PRKN: variants seen among roughly 807,000 people sequenced by gnomAD.
The protein encoded by PRKN is parkin RBR E3 ubiquitin protein ligase.
Under a neutral mutation model 59.5 loss-of-function variants are expected in PRKN, and 56 were observed. The observed-to-expected ratio is 0.94, with a 90% CI of 0.76 to 1.18. PRKN has a LOEUF of 1.18. PRKN is among the 50% of genes most tolerant of loss of function. PRKN has a pLI of 0.00. For missense variants in PRKN, 657 were observed against 596.4 expected (o/e 1.10, Z -1.06); for synonymous variants, 250 against 222.1 (o/e 1.13, Z -1.12).
chr6:162,177,451 T>C (rs556552360), intron 4 of PRKN, among the ~76,000 whole-genome samples: 2 of 152,302 alleles, frequency 1.3e-5, no homozygotes, highest in East Asian at 1.9e-4. Flanking sequence ...TGAGAGTGCA[T>C]TGCATTATTT....
intron 2 of PRKN, among the ~76,000 whole-genome samples, chr6:162,438,749 G>C (rs1417998121): frequency 6.6e-6 from 1 of 152,150 alleles, no homozygotes; most frequent in Admixed American, 6.5e-5. Flanking sequence ...GTTGAATTAC[G>C]TTGTGTGTTG....
In PRKN at chr6:161,529,742, T is replaced by C. The variant is rs1779137710; in HGVS notation, c.1083+19112A>G. On this transcript the variant is annotated intron_variant, in intron 9 of 11. Coordinates refer to ENST00000366898, the MANE Select transcript of PRKN (RefSeq NM_004562.3). This position sits in a 1 kb window ranked among gnomAD's most constrained non-coding sequence, Gnocchi z 4.4. The stretch of plus-strand genomic sequence containing the variant: ...GAAATCAAAAAAGATTTATAAACAT[T>C]ATTGGTACAACTGATTTTTGTCTCT... Among the ~76,000 whole-genome samples, 1 of 152,200 alleles carries C rather than the reference T, an allele frequency of 6.6e-6. No individual in the cohort carries two copies. Among genetic ancestry groups the C allele is most frequent in the Non-Finnish European group, 1.5e-5 (1 of 68,034 alleles).
rs182000036 is a variant in PRKN at position 161,445,649 on chromosome 6, G to A, written c.1084-58772C>T. On this transcript the variant is annotated intron_variant, in intron 9 of 11. Transcript: ENST00000366898. This position sits in a 1 kb window ranked among gnomAD's most constrained non-coding sequence, Gnocchi z 7.7. Reference sequence around the variant, plus strand: ...CAGCTGAATGGGATCGGTGCAGCATGATAGAGGCCAGCTGCCCCGCACCAG... The same window carrying A: ...CAGCTGAATGGGATCGGTGCAGCATAATAGAGGCCAGCTGCCCCGCACCAG... Among the ~76,000 whole-genome samples the A allele has an allele frequency of 3.4e-3, 523 of 152,316 alleles. 4 individuals carry two copies. The highest frequency in any genetic ancestry group is 0.012 in the African/African-American group (488 of 41,574).
rs74628189 is a variant in PRKN, at chr6:162,240,824, C to T, written c.412+21701G>A. 1.6e-3 allele frequency among the ~76,000 whole-genome samples: 242 copies of T among 152,280 alleles called. 6 individuals carry two copies. The highest frequency in any genetic ancestry group is 5.5e-3 in the African/African-American group (228 of 41,572). On this transcript the variant is annotated intron_variant, in intron 3 of 11. Transcript: ENST00000366898. ...TAGAGTTACCTACCAAAGTACCATT[C>T]AGTTCAACACATTTGGAGGCCTCTT... is the stretch of plus-strand genomic sequence containing the variant.
chr6:162,406,984 G>A (rs1035974619), intron 2 of PRKN, among the ~76,000 whole-genome samples: 5 of 152,004 alleles, frequency 3.3e-5, no homozygotes, highest in African/African-American at 1.2e-4. Flanking sequence ...CAAAATTGTA[G>A]ATTTTCCAGG....
rs191589451 is a variant in PRKN at position 161,397,104 on chromosome 6, C to T, written c.1084-10227G>A. ...GTTTCTTACTCATACCTCTATTAAA[C>T]TGTTTCACCCTCTATATGAAACTGT... On this transcript the variant is annotated intron_variant, in intron 9 of 11. Transcript: ENST00000366898. The surrounding 1 kb of genome is among the most constrained non-coding windows in gnomAD (Gnocchi z 4.2). Among the ~76,000 whole-genome samples the T allele has an allele frequency of 3.9e-4, 60 of 152,300 alleles. No individual in the cohort carries two copies. Among genetic ancestry groups the T allele is most frequent in the African/African-American group, 1.4e-3 (59 of 41,556 alleles).
chr6:162,168,556 C>CAAAAAAAAAA (rs771060815), intron 4 of PRKN, among the ~76,000 whole-genome samples: 1 of 47,316 alleles, frequency 2.1e-5, no homozygotes, highest in African/African-American at 7.7e-5. Flanking sequence ...ATCTGTTTTA[C>CAAAAAAAAAA]AAAAAAAAAA....
intron 4 of PRKN, among the ~76,000 whole-genome samples, chr6:162,130,337 A>T (rs1272247113): frequency 3.3e-5 from 5 of 152,172 alleles, no homozygotes; most frequent in African/African-American, 1.2e-4. Flanking sequence ...AGAGGTCAAA[A>T]ATCTCAGTGA....
chr6:161,850,306 G>A (rs546624525), intron 6 of PRKN, among the ~76,000 whole-genome samples: 7 of 152,254 alleles, frequency 4.6e-5, no homozygotes, highest in Middle Eastern at 3.4e-3. Flanking sequence ...GAAGCCAGGC[G>A]CGGCAGCTGA....
chr6:161,643,485 T>A (rs896775683), intron 7 of PRKN, among the ~76,000 whole-genome samples: 1 of 152,220 alleles, frequency 6.6e-6, no homozygotes, highest in African/African-American at 2.4e-5. Context: ...AATTCAATAG[T>A]GTTTACTCTC....
intron 1 of PRKN, among the ~76,000 whole-genome samples, chr6:162,707,581 T>C (rs1778382179): frequency 1.3e-5 from 2 of 151,958 alleles, no homozygotes; most frequent in Admixed American, 1.3e-4. Context: ...TCACTATTTT[T>C]TTTTTTTTTT....
At chr6:162,551,563 T>C (rs971130502) in intron 1 of PRKN, among the ~76,000 whole-genome samples, 1 of 152,198 alleles carries the variant, frequency 6.6e-6, no homozygotes, top group African/African-American at 2.4e-5. Context: ...ATATGCCGTT[T>C]TATTGAGGTG....
intron 7 of PRKN, among the ~76,000 whole-genome samples, chr6:161,587,578 T>A (rs898484766): frequency 1.5e-4 from 23 of 152,138 alleles, no homozygotes; most frequent in African/African-American, 5.6e-4. Context: ...ATGAAATAAG[T>A]TTGATCATTC....
chr6:162,355,043 T>C (rs1784788905), intron 2 of PRKN, among the ~76,000 whole-genome samples: 1 of 151,892 alleles, frequency 6.6e-6, no homozygotes, highest in Non-Finnish European at 1.5e-5. Flanking sequence ...TATGTCAGGC[T>C]CTGTGGGAGA....
At position 161,428,178 on chromosome 6, in the gene PRKN, A is replaced by G. The variant is rs1156728249; in HGVS notation, c.1084-41301T>C. Among the ~76,000 whole-genome samples the G allele has an allele frequency of 6.6e-6, 1 of 152,202 alleles. No individual in the cohort carries two copies. Among genetic ancestry groups the G allele is most frequent in the African/African-American group, 2.4e-5 (1 of 41,440 alleles). ...CCGTGCGCCTCCATCTCAGGGCAACATAGGGCAACTTCTTTCTTCTACTCA... is the reference window on the plus strand; with the variant it reads ...CCGTGCGCCTCCATCTCAGGGCAACGTAGGGCAACTTCTTTCTTCTACTCA... On this transcript the variant is annotated intron_variant, in intron 9 of 11. Transcript: ENST00000366898. The surrounding 1 kb of genome is among the most constrained non-coding windows in gnomAD (Gnocchi z 4.0).
intron 1 of PRKN, among the ~76,000 whole-genome samples, chr6:162,667,804 C>T (rs1368386992): frequency 6.6e-6 from 1 of 152,028 alleles, no homozygotes; most frequent in East Asian, 1.9e-4. Context: ...CTTCTTAGAG[C>T]CTCAGTTTCT....
At chr6:161,825,843 T>C (rs1420081578) in intron 6 of PRKN, among the ~76,000 whole-genome samples, 1 of 152,088 alleles carries the variant, frequency 6.6e-6, no homozygotes, top group East Asian at 1.9e-4. Flanking sequence ...TCCTTGCAAA[T>C]TTTCACTAAG....
intron 3 of PRKN, among the ~76,000 whole-genome samples, chr6:162,261,091 A>C (rs75380702): frequency 0.036 from 5,445 of 152,204 alleles, 279 homozygotes; most frequent in African/African-American, 0.1. Flanking sequence ...TGGCAAAGGA[A>C]GAAAGGGAGA....
intron 2 of PRKN, chr6:162,275,080 C>CA (rs57886647): frequency 0.34 from 25,789 of 75,914 alleles, 4,005 homozygotes; most frequent in South Asian, 0.45. Flanking sequence ...GACTCTGTCT[C>CA]AAAAAAAAAA....
Sources: gnomAD v4.1 joint callset for allele counts (sites outside exome capture counted in the v4.1 genomes callset) on GRCh38, gnomAD v4.1.1 for gene constraint, Gnocchi (gnomAD v3.1) non-coding constraint, MANE v1.5 for transcripts, NCBI Gene and HGNC (gene_info 2026-07-23, HGNC 2026-07-21) for gene names.